The following MAPK10 variants were observed in gnomAD, a reference collection of about 807,000 sequenced individuals.
MAPK10 encodes mitogen-activated protein kinase 10, also known as JNK3 alpha protein kinase.
Under a neutral mutation model 59.3 loss-of-function variants are expected in MAPK10, and 25 were observed. The ratio of observed to expected loss-of-function variants is 0.42; its 90% CI spans 0.31 to 0.59. MAPK10 has a LOEUF of 0.59. Ranked by LOEUF, MAPK10 falls within the 20% of genes least tolerant of loss-of-function variation. The pLI, the probability that MAPK10 is intolerant of heterozygous loss-of-function variation, is 0.15. For missense variants in MAPK10, 351 were observed against 568.9 expected (o/e 0.62, Z 3.90); for synonymous variants, 190 against 200.5 (o/e 0.95, Z 0.44).
chr4:86,249,014 T>C (rs2148707413), intron 2 of MAPK10, among the ~76,000 whole-genome samples: 1 of 152,248 alleles, frequency 6.6e-6, no homozygotes, highest in Middle Eastern at 3.4e-3. Context: ...ATAGAACTAA[T>C]CTAAATCAGC....
At chr4:86,484,516 T>C (rs527404560) in intron 1 of MAPK10, among the ~76,000 whole-genome samples, 1 of 152,212 alleles carries the variant, frequency 6.6e-6, no homozygotes, top group Non-Finnish European at 1.5e-5. Context: ...TTTGTGACTC[T>C]GTGCAAGTTG....
At chr4:86,283,523 A>G (rs2094895580) in intron 2 of MAPK10, among the ~76,000 whole-genome samples, 1 of 152,178 alleles carries the variant, frequency 6.6e-6, no homozygotes, top group African/African-American at 2.4e-5. Flanking sequence ...TGAACCGAAA[A>G]CACTTTGAAG....
intron 1 of MAPK10, among the ~76,000 whole-genome samples, chr4:86,437,738 T>A (rs1475923080): frequency 2.0e-5 from 3 of 152,166 alleles, no homozygotes; most frequent in Non-Finnish European, 4.4e-5. Context: ...CTACTCCTAG[T>A]GATATACCAA....
At chr4:86,116,842 G>A (rs1455857935) in intron 4 of MAPK10, among the ~76,000 whole-genome samples, 2 of 152,190 alleles carry the variant, frequency 1.3e-5, no homozygotes, top group African/African-American at 2.4e-5. Flanking sequence ...TATAAATAGT[G>A]CCTCACCTAG....
intron 1 of MAPK10, among the ~76,000 whole-genome samples, chr4:86,369,483 A>C (rs961339462): frequency 2.0e-5 from 3 of 152,172 alleles, no homozygotes; most frequent in African/African-American, 7.2e-5. Flanking sequence ...AAGAGTAATA[A>C]TCAGAATTAA....
At chr4:86,345,897 T>A (rs1402108131) in intron 2 of MAPK10, among the ~76,000 whole-genome samples, 1 of 152,204 alleles carries the variant, frequency 6.6e-6, no homozygotes, top group Non-Finnish European at 1.5e-5. Context: ...ACACCTTAAT[T>A]CAAGTTAGTT....
At chr4:86,150,948 T>C (rs1325766191) in intron 4 of MAPK10, among the ~76,000 whole-genome samples, 1 of 152,058 alleles carries the variant, frequency 6.6e-6, no homozygotes, top group African/African-American at 2.4e-5. Flanking sequence ...AGTGTGATGA[T>C]GAGGGAAGGA....
intron 2 of MAPK10, among the ~76,000 whole-genome samples, chr4:86,226,719 G>A (rs775828792): frequency 1.3e-4 from 20 of 152,118 alleles, no homozygotes; most frequent in Non-Finnish European, 2.4e-4. Context: ...AATAAGAAAC[G>A]ACAGATGTGC....
chr4:86,535,954 C>T (rs1370475300), intron 1 of MAPK10, among the ~76,000 whole-genome samples: 1 of 152,162 alleles, frequency 6.6e-6, no homozygotes. Flanking sequence ...ATAAAGTAGA[C>T]TCAAGAGAAT....
chr4:86,560,290 G>A (rs535484907), intron 1 of MAPK10, among the ~76,000 whole-genome samples: 61 of 152,212 alleles, frequency 4.0e-4, no homozygotes, highest in African/African-American at 1.4e-3. Flanking sequence ...CTCAATTGGT[G>A]GATATTTTCA....
intron 2 of MAPK10, chr4:86,332,511 C>T (rs960189194): frequency 2.6e-5 from 4 of 152,106 alleles, no homozygotes; most frequent in Admixed American, 2.0e-4. Flanking sequence ...CATGAAATTA[C>T]ACCTAATTTT....
chr4:86,302,315 G>A (rs1460753), intron 2 of MAPK10, among the ~76,000 whole-genome samples: 91,931 of 152,096 alleles, frequency 0.6, 28,499 homozygotes, highest in South Asian at 0.74. Context: ...AGTTTTCTAC[G>A]TATGATTCAC....
intron 9 of MAPK10, chr4:86,080,225 T>G (rs930813477): frequency 6.6e-6 from 1 of 151,714 alleles, no homozygotes; most frequent in African/African-American, 2.4e-5. Flanking sequence ...AAGGTTGGAA[T>G]CTAGGAAACA....
rs938704624 is a variant in MAPK10 at position 86,159,396 on chromosome 4, G to C, written c.138C>G (p.Asn46Lys). The C allele has an allele frequency of 6.2e-7, 1 of 1,612,592 alleles. No homozygotes were observed. Among genetic ancestry groups the C allele is most frequent in the Admixed American group, 1.7e-5 (1 of 59,868 alleles). Residue 46 changes from asparagine (N) to lysine (K), a missense_variant, in exon 4 of 14, where the codon AAC becomes AAG. Transcript: ENST00000641462. The part of the protein sequence containing the change: ...HYNMSKSKVD[N>K]QFYSVEVGDS... ...CTCCCACTTCCACACTGTAGAACTGGTTGTCAACTTTGCTTTTGCTCATGT... is the reference window on the plus strand; with the variant it reads ...CTCCCACTTCCACACTGTAGAACTGCTTGTCAACTTTGCTTTTGCTCATGT...
At chr4:86,543,513 C>A (rs1758895232) in intron 1 of MAPK10, among the ~76,000 whole-genome samples, 1 of 152,158 alleles carries the variant, frequency 6.6e-6, no homozygotes, top group African/African-American at 2.4e-5. Context: ...AAGCCCTAAA[C>A]CACTTAGCTC....
At position 86,566,881 on chromosome 4, in the gene MAPK10, C is replaced by T. The variant is rs530290409; in HGVS notation, c.-263+27029G>A. 5.9e-5 allele frequency among the ~76,000 whole-genome samples: 9 copies of T among 152,086 alleles called. No individual in the cohort carries two copies. In the East Asian group the frequency reaches 1.5e-3, roughly 26 times the overall value. ...GCCCTAAGTTCAAGATCGGTCTAGG[C>T]AACATGGCGAAACCCCGTCTCTACT... On this transcript the variant is annotated intron_variant, in intron 1 of 4. Coordinates refer to the MAPK10 transcript ENST00000502302.
rs796310826 is a variant in MAPK10 at position 86,359,288 on chromosome 4, C to CTCTCTCTCTGTG, written c.-122+369_-122+370insCACAGAGAGAGA. 4.7e-4 allele frequency among the ~76,000 whole-genome samples: 44 copies of CTCTCTCTCTGTG among 94,614 alleles called. 1 individual carries two copies. In the East Asian group the frequency reaches 5.1e-3, roughly 11 times the overall value. The allele number at this position is 94,614 out of a possible 152,430, so 62.1% of individuals were successfully genotyped here. On this transcript the variant is annotated intron_variant, in intron 1 of 13. Transcript: ENST00000641462. ...CCTCTCTCTCTCTCTCTCTCTCTCT[C>CTCTCTCTCTGTG]TGTGTGTGTGTGTGTGTGTGTGTGT...
intron 2 of MAPK10, among the ~76,000 whole-genome samples, chr4:86,278,482 T>G (rs182741312): frequency 6.6e-6 from 1 of 152,112 alleles, no homozygotes; most frequent in East Asian, 1.9e-4. Flanking sequence ...GCAAAAGGAG[T>G]TATGTCTAGT....
chr4:86,519,744 G>C (rs1485135252), intron 1 of MAPK10, among the ~76,000 whole-genome samples: 1 of 152,052 alleles, frequency 6.6e-6, no homozygotes, highest in Non-Finnish European at 1.5e-5. Context: ...GTTCCATTTT[G>C]GGGTATTTTG....
Sources: gnomAD v4.1 joint callset for allele counts (sites outside exome capture counted in the v4.1 genomes callset) on GRCh38, gnomAD v4.1.1 for gene constraint, MANE v1.5 for transcripts, NCBI Gene and HGNC (gene_info 2026-07-23, HGNC 2026-07-21) for gene names.